The following TCF7L2 variants were observed in gnomAD, a reference collection of about 807,000 sequenced individuals.
TCF7L2 encodes the protein transcription factor 7 like 2.
A neutral mutation model predicts 77.9 loss-of-function variants in TCF7L2; 23 were observed. That is an observed-to-expected ratio of 0.30 (90% CI 0.21 to 0.42). The LOEUF (loss-of-function observed/expected upper bound fraction) is 0.42. Among genes scored for constraint, TCF7L2 ranks in the 10% least tolerant of loss-of-function variants. TCF7L2 has a pLI of 1.00. For missense variants in TCF7L2, 654 were observed against 793.1 expected (o/e 0.82, Z 2.11); for synonymous variants, 413 against 340.2 (o/e 1.21, Z -2.36).
Position 112,950,837 on chromosome 10 carries a change from G to A in TCF7L2, c.81G>A (p.Gln27=). The change falls in exon 1 of 14, where the codon CAG becomes CAA. Residue 27 remains glutamine (Q), a synonymous_variant. Coordinates refer to ENST00000627217, the MANE Select transcript of TCF7L2 (RefSeq NM_001146274.2). ...TTTCCTTCAAAGACGAGGGCGAACA[G>A]GAGGAGAAGAGCTCCGAAAACTCCT... 2 of 1,607,854 alleles carry A rather than the reference G, an allele frequency of 1.2e-6. No individual in the cohort carries two copies. The highest frequency in any genetic ancestry group is 1.7e-6 in the Non-Finnish European group (2 of 1,176,984).
chr10:113,061,061 G>A (rs1046731990), intron 5 of TCF7L2, among the ~76,000 whole-genome samples: 3 of 152,140 alleles, frequency 2.0e-5, no homozygotes, highest in Non-Finnish European at 4.4e-5. Context: ...TGATGTGTGC[G>A]TTTACCCTCC....
intron 4 of TCF7L2, among the ~76,000 whole-genome samples, chr10:113,033,960 G>A (rs2050685594): frequency 6.6e-6 from 1 of 152,184 alleles, no homozygotes; most frequent in South Asian, 2.1e-4. Context: ...ATGATTCAGA[G>A]GGTAGGGCAG....
intron 4 of TCF7L2, among the ~76,000 whole-genome samples, chr10:112,997,992 A>G (rs2043801064): frequency 6.6e-6 from 1 of 152,146 alleles, no homozygotes; most frequent in Non-Finnish European, 1.5e-5. Flanking sequence ...ACAGTAAAAC[A>G]AAAAACAAAA....
At position 113,165,769 on chromosome 10, in the gene TCF7L2, C is replaced by G. The variant is rs1447835317; in HGVS notation, c.1606C>G (p.Pro536Ala). The G allele has an allele frequency of 6.2e-7, 1 of 1,608,688 alleles. No homozygotes were observed. The highest frequency in any genetic ancestry group is 8.5e-7 in the Non-Finnish European group (1 of 1,177,182). ...CCACCTGTCCATGATGCCTCCGCCA[C>G]CCGCCCTCCTGCTCGCTGAGGCCAC... The change falls in exon 14 of 14, where the codon CCC (proline) becomes GCC (alanine). Residue 536 changes from proline (P) to alanine (A), a missense_variant. Physicochemically the swap from Pro to Ala is conservative, Grantham distance 27. This residue lies in a region of TCF7L2 where 272 missense variants were observed against 215.4 expected (regional missense o/e 1.26). Coordinates refer to ENST00000627217, the MANE Select transcript of TCF7L2 (RefSeq NM_001146274.2).
At chr10:113,103,912 G>A (rs1181491610) in intron 5 of TCF7L2, among the ~76,000 whole-genome samples, 1 of 152,156 alleles carries the variant, frequency 6.6e-6, no homozygotes, top group African/African-American at 2.4e-5. Context: ...CAGGTCAAGG[G>A]AGCTGGGTCA....
intron 5 of TCF7L2, among the ~76,000 whole-genome samples, chr10:113,059,482 G>C (rs1488643343): frequency 6.6e-6 from 1 of 152,106 alleles, no homozygotes; most frequent in Non-Finnish European, 1.5e-5. Context: ...AAAAGGCGGG[G>C]GTTGGGGAGG....
intron 5 of TCF7L2, among the ~76,000 whole-genome samples, chr10:113,102,892 C>T (rs2061825326): frequency 6.6e-6 from 1 of 152,166 alleles, no homozygotes; most frequent in African/African-American, 2.4e-5. Flanking sequence ...TTCACCCTTA[C>T]AGCTGCCACA....
At chr10:113,117,433 C>CA (rs1160305172) in intron 5 of TCF7L2, among the ~76,000 whole-genome samples, 1 of 34,972 alleles carries the variant, frequency 2.9e-5, no homozygotes, top group Non-Finnish European at 5.6e-5. Context: ...CTCTCTCTCT[C>CA]CCTCTCTCTC....
At chr10:113,035,147 TG>T (rs1435291418) in intron 4 of TCF7L2, among the ~76,000 whole-genome samples, 1 of 152,202 alleles carries the variant, frequency 6.6e-6, no homozygotes, top group East Asian at 1.9e-4. Context: ...TGTGGTCTTG[TG>T]GTTAGACCTT....
intron 4 of TCF7L2, among the ~76,000 whole-genome samples, chr10:113,024,221 C>T (rs2048727178): frequency 1.3e-5 from 2 of 152,180 alleles, no homozygotes; most frequent in East Asian, 2.0e-4. Context: ...TGGCTTGAAC[C>T]TGGGAGGCGG....
Position 113,144,088 on chromosome 10 carries a change from CTGTGTGTGTGTCTGTGTGTGTGTG to C in TCF7L2, c.788+75_788+98del, listed in dbSNP as rs72143488. On this transcript the variant is annotated intron_variant, in intron 7 of 13. Coordinates refer to ENST00000627217, the MANE Select transcript of TCF7L2 (RefSeq NM_001146274.2). ...TACATGGGCATGTTTATTATTTATT[CTGTGTGTGTGTCTGTGTGTGTGTG>C]TGTGTGTGTGTGTGTGTGTGTGTGT... The C allele has an allele frequency of 0.066, 83,337 of 1,259,530 alleles. 3,754 individuals carry two copies. The highest frequency in any genetic ancestry group is 0.23 in the Admixed American group (11,864 of 50,544). 78.0% of individuals were successfully genotyped at this position (1,259,530 alleles called of 1,614,324 possible).
At chr10:113,144,734 CATCA>C (rs1182264126) in intron 7 of TCF7L2, among the ~76,000 whole-genome samples, 2 of 152,180 alleles carry the variant, frequency 1.3e-5, no homozygotes, top group Non-Finnish European at 2.9e-5. Flanking sequence ...CCTTCGTAAG[CATCA>C]ATCCTAGCTC....
At chr10:112,971,878 G>T (rs956153021) in intron 4 of TCF7L2, among the ~76,000 whole-genome samples, 2 of 152,066 alleles carry the variant, frequency 1.3e-5, no homozygotes, top group Admixed American at 6.6e-5. Context: ...CTCCCAAAGT[G>T]CTGGGATTAC....
At chr10:112,988,933 T>A (rs2042046904) in intron 4 of TCF7L2, among the ~76,000 whole-genome samples, 1 of 152,158 alleles carries the variant, frequency 6.6e-6, no homozygotes, top group Admixed American at 6.5e-5. Context: ...AAAACAGAAT[T>A]TCAAAGAAGG....
intron 3 of TCF7L2, among the ~76,000 whole-genome samples, chr10:112,962,416 C>T (rs1440938193): frequency 6.6e-6 from 1 of 152,074 alleles, no homozygotes; most frequent in Non-Finnish European, 1.5e-5. Context: ...TACTTTCTGG[C>T]CAAGAATTCC....
At chr10:112,958,674 G>A (rs545834849) in intron 3 of TCF7L2, among the ~76,000 whole-genome samples, 1 of 152,230 alleles carries the variant, frequency 6.6e-6, no homozygotes, top group Admixed American at 6.5e-5. Flanking sequence ...GGCCAATTAT[G>A]ATGTACTAAA....
At chr10:112,966,079 G>T (rs1589765956) in intron 4 of TCF7L2, among the ~76,000 whole-genome samples, 1 of 151,142 alleles carries the variant, frequency 6.6e-6, no homozygotes, top group East Asian at 1.9e-4. Flanking sequence ...GGAGGCTGAG[G>T]CAGGAGAATC....
At chr10:112,987,788 C>A (rs1336103824) in intron 4 of TCF7L2, 3 of 168,212 alleles carry the variant, frequency 1.8e-5, no homozygotes, top group African/African-American at 7.2e-5. Context: ...ATTGTGCTGA[C>A]CTCAGCTGGC....
intron 5 of TCF7L2, among the ~76,000 whole-genome samples, chr10:113,086,073 A>C (rs2135545520): frequency 6.6e-6 from 1 of 152,308 alleles, no homozygotes; most frequent in East Asian, 1.9e-4. Flanking sequence ...TCATTCTTTC[A>C]AGAAGCACCA....
Sources: allele counts gnomAD v4.1 joint callset (sites outside exome capture counted in the v4.1 genomes callset), GRCh38; gene constraint gnomAD v4.1.1; regional missense constraint gnomAD v4.1.1; transcripts MANE v1.5; gene names NCBI Gene and HGNC (gene_info 2026-07-23, HGNC 2026-07-21).